The following ALG3 variants were observed in gnomAD, a reference collection of about 807,000 sequenced individuals.
ALG3 encodes dol-P-Man:Man(5)GlcNAc(2)-PP-Dol alpha-1,3-mannosyltransferase.
A neutral mutation model predicts 50.5 loss-of-function variants in ALG3; 39 were observed. The observed-to-expected ratio is 0.77, with a 90% CI of 0.60 to 1.01. The LOEUF is 1.01. Ranked by LOEUF, ALG3 falls within the 50% of genes least tolerant of loss-of-function variation. ALG3 has a pLI of 0.00. For missense variants in ALG3, 520 were observed against 554.8 expected, an observed-to-expected ratio of 0.94 and a Z score of 0.63; for synonymous variants, 252 against 237.2, an observed-to-expected ratio of 1.06 and a Z score of -0.58.
In ALG3 at chr3:184,242,496, G is replaced by T; in HGVS notation, c.*18C>A. The T allele has an allele frequency of 6.2e-7, 1 of 1,611,396 alleles. No individual in the cohort carries two copies. The highest frequency in any genetic ancestry group is 8.5e-7 in the Non-Finnish European group (1 of 1,178,886). On this transcript the variant is annotated 3_prime_UTR_variant, in exon 9 of 9. Coordinates refer to ENST00000397676, the MANE Select transcript of ALG3 (RefSeq NM_005787.6). ...GGTCCTGAGGGTAGACTCAGGTCCT[G>T]AGGGAAAGGGGTGGACTTCAGTGGG...
At position 184,242,940 on chromosome 3, in the gene ALG3, A is replaced by G. The variant is rs770714639; in HGVS notation, c.1027T>C (p.Phe343Leu). ...CAGATGCCAATGAAGTTGGAGGTGA[A>G]GAGGGTAGAAACGATCTGTATGCGG... ...LTPNQIVSTL[F>L]TSNFIGICFS... Residue 343 changes from phenylalanine (F) to leucine (L), a missense_variant, in exon 8 of 9, where the codon TTC becomes CTC. Physicochemically the swap from Phe to Leu is conservative, Grantham distance 22. This residue lies in a region of ALG3 where 224 missense variants were observed against 272.8 expected (regional missense o/e 0.82). Coordinates refer to ENST00000397676, the MANE Select transcript of ALG3 (RefSeq NM_005787.6). The G allele has an allele frequency of 1.2e-6, 2 of 1,613,420 alleles. No individual in the cohort carries two copies. The highest frequency in any genetic ancestry group is 1.7e-6 in the Non-Finnish European group (2 of 1,179,778).
chr3:184,248,692 G>C, intron 1 of ALG3, 53 bp downstream of exon 1: 3 of 1,470,484 alleles, frequency 2.0e-6, no homozygotes, highest in Non-Finnish European at 2.7e-6. Flanking sequence ...TCCAGTTTGG[G>C]TCGCGGGTTC....
At chr3:184,247,004 G>C (rs1240542295) in intron 1 of ALG3, among the ~76,000 whole-genome samples, 1 of 151,628 alleles carries the variant, frequency 6.6e-6, no homozygotes, top group African/African-American at 2.4e-5. Context: ...TCCCCGGTTC[G>C]AGCCATTTTC....
intron 7 of ALG3, 67 bp from the exon 8 acceptor site, chr3:184,243,024 A>G (rs1313136861): frequency 1.4e-5 from 23 of 1,586,588 alleles, no homozygotes; most frequent in Non-Finnish European, 1.9e-5. Flanking sequence ...CAGAGGGGCA[A>G]TAGTTTTTAG....
intron 4 of ALG3, chr3:184,244,944 A>T (rs1719048111): frequency 1.4e-6 from 1 of 736,782 alleles, no homozygotes; most frequent in African/African-American, 1.8e-5. Flanking sequence ...ATGAGCATAT[A>T]CTGAGTATTT....
chr3:184,244,440 T>C, intron 5 of ALG3, 161 bp downstream of exon 5: 1 of 888,520 alleles, frequency 1.1e-6, no homozygotes, highest in Non-Finnish European at 1.7e-6. Context: ...TACCCTATTT[T>C]ACAGCTATGG....
In ALG3 at chr3:184,245,528, A is replaced by G. The variant is rs1437550020; in HGVS notation, c.384T>C (p.Phe128=). The G allele has an allele frequency of 2.5e-6, 4 of 1,613,902 alleles. No homozygotes were observed. The highest frequency in any genetic ancestry group is 2.7e-5 in the African/African-American group (2 of 74,932). ...GCAAGGTAGCCAGGTAGAGCACAGC[A>G]AAGATGTTCTGGGCCATGCGGATGT... ...GTDIRMAQNI[F]AVLYLATLLL... The change falls in exon 3 of 9, where the codon TTT becomes TTC. Residue 128 remains phenylalanine, a synonymous_variant. Coordinates refer to ENST00000397676, the MANE Select transcript of ALG3 (RefSeq NM_005787.6).
upstream of ALG3, chr3:184,249,510 G>A: frequency 1.3e-6 from 1 of 773,104 alleles, no homozygotes; most frequent in South Asian, 1.8e-5. Context: ...AGGATTCAGG[G>A]TCTGGACGAT....
Position 184,248,725 on chromosome 3 carries a change from C to T in ALG3, c.196+20G>A. On this transcript the variant is annotated intron_variant, in intron 1 of 8. Coordinates refer to ENST00000397676, the MANE Select transcript of ALG3 (RefSeq NM_005787.6). ...TTCAGGTCTCCCTCCCTCCCCTCCC[C>T]TCCCCCTCGGCGCACTCACATGCCA... 6.6e-7 allele frequency: 1 copy of T among 1,509,676 alleles called. No homozygotes were observed. The highest frequency in any genetic ancestry group is 9.0e-7 in the Non-Finnish European group (1 of 1,111,696). The allele number at this position is 1,509,676 out of a possible 1,614,324, so 93.5% of individuals were successfully genotyped here. A position where few individuals can be genotyped will look rare whatever the true frequency, so the allele number is the denominator to read the frequency against.
Position 184,243,965 on chromosome 3 carries a change from T to C in ALG3, c.758A>G (p.Asn253Ser). 6.2e-7 allele frequency: 1 copy of C among 1,612,808 alleles called. No homozygotes were observed. Among genetic ancestry groups the C allele is most frequent in the Non-Finnish European group, 8.5e-7 (1 of 1,179,704 alleles). The change falls in exon 6 of 9, where the codon AAC (asparagine) becomes AGC (serine). Residue 253 changes from asparagine to serine, a missense_variant. This residue lies in a region of ALG3 where 224 missense variants were observed against 272.8 expected (regional missense o/e 0.82). Coordinates refer to ENST00000397676, the MANE Select transcript of ALG3 (RefSeq NM_005787.6). ...GGAGCGGGACAGGTAGCCGCTGGGGTTCTCCAGCAGGAAGGGCAGCCCCAG... is the reference window on the plus strand; with the variant it reads ...GGAGCGGGACAGGTAGCCGCTGGGGCTCTCCAGCAGGAAGGGCAGCCCCAG... ...VVLGLPFLLE[N>S]PSGYLSRSFD... is the part of the protein sequence containing the mutation.
Position 184,242,400 on chromosome 3 carries a change from A to C in ALG3, c.*114T>G, listed in dbSNP as rs749095236. 4 of 1,329,142 alleles carry C rather than the reference A, an allele frequency of 3.0e-6. No homozygotes were observed. Among genetic ancestry groups the C allele is most frequent in the Non-Finnish European group, 2.1e-6 (2 of 947,236 alleles). The allele number at this position is 1,329,142 out of a possible 1,614,324, so 82.3% of individuals were successfully genotyped here. A position where few individuals can be genotyped will look rare whatever the true frequency, so the allele number is the denominator to read the frequency against. The stretch of plus-strand genomic sequence containing the variant: ...CCTGGACCAGGCATCGGCTGCCCCC[A>C]CCTCCATGTAGGTTGCACAGAGTTG... On this transcript the variant is annotated 3_prime_UTR_variant, in exon 9 of 9. Coordinates refer to ENST00000397676, the MANE Select transcript of ALG3 (RefSeq NM_005787.6).
rs902308899 is a variant in ALG3 at position 184,242,545 on chromosome 3, T to C, written c.1286A>G (p.Lys429Arg). Residue 429 changes from lysine to arginine, a missense_variant, in exon 9 of 9, where the codon AAG (lysine) becomes AGG (arginine). By Grantham distance (26) the Lys-to-Arg change is conservative. Transcript: ENST00000397676. ...QLWLGPQPFP[K>R]STQHSKKAH ...GGCTTTCTTGCTGTGTTGGGTGCTCTTGGGGAAAGGCTGCGGGCCCAGCCA... is the reference window on the plus strand; with the variant it reads ...GGCTTTCTTGCTGTGTTGGGTGCTCCTGGGGAAAGGCTGCGGGCCCAGCCA... The C allele has an allele frequency of 5.6e-6, 9 of 1,608,950 alleles. No individual in the cohort carries two copies. Among genetic ancestry groups the C allele is most frequent in the Admixed American group, 3.4e-5 (2 of 59,238 alleles).
intron 2 of ALG3, 36 bp from the exon 3 acceptor site, chr3:184,245,651 T>A: frequency 1.2e-6 from 2 of 1,611,390 alleles, no homozygotes. Context: ...CTGGGTCAGG[T>A]CACACAGACT....
At chr3:184,244,459 G>A in intron 5 of ALG3, 142 bp downstream of exon 5, 1 of 1,015,738 alleles carries the variant, frequency 9.8e-7, no homozygotes, top group Non-Finnish European at 1.4e-6. Context: ...GGAAACTACA[G>A]CCTAGCGATA....
chr3:184,248,913 G>GGCCGCGTTTCCGCAGCCCA lies in ALG3; in HGVS notation c.9_27dup (p.Arg10TrpfsTer67). 1.9e-6 allele frequency: 3 copies of GGCCGCGTTTCCGCAGCCCA among 1,592,542 alleles called. No individual in the cohort carries two copies. Among genetic ancestry groups the GGCCGCGTTTCCGCAGCCCA allele is most frequent in the Non-Finnish European group, 2.6e-6 (3 of 1,170,258 alleles). On this transcript the variant is annotated frameshift_variant, in exon 1 of 9. Transcript: ENST00000397676. LOFTEE classifies it high-confidence loss of function. ...TCTGCCTGGGCCGCGGAACCGGACC[G>GGCCGCGTTTCCGCAGCCCA]GCCGCGTTTCCGCAGCCCAGCCGCC...
intron 1 of ALG3, 125 bp downstream of exon 1, chr3:184,248,620 G>T: frequency 1.1e-6 from 1 of 880,874 alleles, no homozygotes; most frequent in Non-Finnish European, 1.7e-6. Flanking sequence ...AAGGGATATG[G>T]ATGGGTTCGC....
chr3:184,248,748 C>T lies in ALG3; in HGVS notation c.193G>A (p.Ala65Thr), dbSNP rs999161669. The T allele has an allele frequency of 2.0e-6, 3 of 1,503,854 alleles. No individual in the cohort carries two copies. Among genetic ancestry groups the T allele is most frequent in the African/African-American group, 2.8e-5 (2 of 71,916 alleles). 93.2% of individuals were successfully genotyped at this position (1,503,854 alleles called of 1,614,324 possible). ...CCCTCCCCCTCGGCGCACTCACATGCCACCCTGTGAATGACCCAGAAGGTG... is the reference window on the plus strand; with the variant it reads ...CCCTCCCCCTCGGCGCACTCACATGTCACCCTGTGAATGACCCAGAAGGTG... Reference protein sequence around the residue: ...GITFWVIHRVAYTEIDWKAYM... With the variant: ...GITFWVIHRVTYTEIDWKAYM... The change falls in exon 1 of 9, where the codon GCA becomes ACA. Residue 65 changes from alanine (A) to threonine (T), a missense_variant. This residue lies in a region of ALG3 where 290 missense variants were observed against 265.9 expected (regional missense o/e 1.09). Transcript: ENST00000397676.
intron 1 of ALG3, among the ~76,000 whole-genome samples, chr3:184,247,666 C>T (rs1219317803): frequency 6.6e-6 from 1 of 152,094 alleles, no homozygotes; most frequent in Non-Finnish European, 1.5e-5. Flanking sequence ...TTCTTCTTTC[C>T]TTAAATAGCT....
intron 7 of ALG3, 91 bp downstream of exon 7, chr3:184,243,463 C>T: frequency 7.9e-7 from 1 of 1,273,832 alleles, no homozygotes; most frequent in Non-Finnish European, 1.1e-6. Context: ...CCTTTCCTCG[C>T]CCAGGTCACC....
Sources: allele counts gnomAD v4.1 joint callset (sites outside exome capture counted in the v4.1 genomes callset), GRCh38; gene constraint gnomAD v4.1.1; regional missense constraint gnomAD v4.1.1; transcripts MANE v1.5; gene names NCBI Gene and HGNC (gene_info 2026-07-23, HGNC 2026-07-21).